Variants in AGK observed in about 807,000 individuals in gnomAD.
AGK encodes acylglycerol kinase, also known as acylglycerol kinase, mitochondrial.
In AGK, 52 loss-of-function variants were observed where a neutral mutation model predicts 66.4. The observed-to-expected ratio is 0.78, with a 90% confidence interval of 0.63 to 0.99. The LOEUF (loss-of-function observed/expected upper bound fraction) is 0.99. Among genes scored for constraint, AGK ranks in the 50% least tolerant of loss-of-function variants. The pLI is 0.00. For missense variants in AGK, 451 were observed against 506.6 expected, an observed-to-expected ratio of 0.89 and a Z score of 1.05; for synonymous variants, 182 against 181.1, an observed-to-expected ratio of 1.00 and a Z score of -0.04.
At chr7:141,572,857 A>G (rs1318636587) in intron 2 of AGK, among the ~76,000 whole-genome samples, 1 of 152,140 alleles carries the variant, frequency 6.6e-6, no homozygotes, top group Non-Finnish European at 1.5e-5. Flanking sequence ...GCCACACTTG[A>G]CTAGACTCAT....
chr7:141,579,676 T>G (rs900701795), intron 2 of AGK, among the ~76,000 whole-genome samples: 1 of 151,978 alleles, frequency 6.6e-6, no homozygotes, highest in African/African-American at 2.4e-5. Context: ...CACTGAAAAT[T>G]GATTTCCTTG....
At chr7:141,600,626 G>T (rs1192461827) in intron 4 of AGK, among the ~76,000 whole-genome samples, 1 of 152,058 alleles carries the variant, frequency 6.6e-6, no homozygotes, top group Non-Finnish European at 1.5e-5. Flanking sequence ...ATAAGATTTG[G>T]TATTTATTTT....
At chr7:141,595,188 G>T (rs972736996) in intron 3 of AGK, among the ~76,000 whole-genome samples, 3 of 152,124 alleles carry the variant, frequency 2.0e-5, no homozygotes, top group Non-Finnish European at 2.9e-5. Flanking sequence ...TTGCAAGTAG[G>T]TACCAACTTT....
intron 8 of AGK, among the ~76,000 whole-genome samples, chr7:141,619,690 CAAA>C (rs371908814): frequency 0.011 from 1,621 of 148,398 alleles, 22 homozygotes; most frequent in African/African-American, 0.038. Context: ...AAAAAGCAAA[CAAA>C]AACCCGTCAA....
In AGK at chr7:141,621,792, G is replaced by A. The variant is rs745967065; in HGVS notation, c.579G>A (p.Leu193=). Reference sequence around the variant, plus strand: ...GAGAGACAGTTCCACTTGATGTCTTGCAGATCAAGGTAAATCTTTTCATCA... The same window carrying A: ...GAGAGACAGTTCCACTTGATGTCTTACAGATCAAGGTAAATCTTTTCATCA... ...VKGETVPLDV[L]QIKGEKEQPV... Residue 193 remains leucine (L), a synonymous_variant, in exon 9 of 16, where the codon TTG becomes TTA. Coordinates refer to ENST00000649286, the MANE Select transcript of AGK (RefSeq NM_018238.4). The A allele has an allele frequency of 6.2e-7, 1 of 1,611,612 alleles. No individual in the cohort carries two copies.
intron 2 of AGK, among the ~76,000 whole-genome samples, chr7:141,570,954 G>A (rs897824537): frequency 2.6e-5 from 4 of 152,002 alleles, no homozygotes; most frequent in African/African-American, 4.8e-5. Flanking sequence ...CTAGGTCTAC[G>A]TTTGCCCTGT....
At chr7:141,586,098 C>T (rs59401990) in intron 2 of AGK, among the ~76,000 whole-genome samples, 1,655 of 152,162 alleles carry the variant, frequency 0.011, 16 homozygotes, top group Middle Eastern at 0.037. Context: ...TGACCACACT[C>T]AGAGTTCTTC....
intron 14 of AGK, chr7:141,650,628 T>C: frequency 1.0e-6 from 1 of 985,476 alleles, no homozygotes; most frequent in South Asian, 4.7e-5. Flanking sequence ...GTATTTCCAC[T>C]GCCTAAAAGA....
chr7:141,602,365 A>G (rs569356028), intron 5 of AGK, among the ~76,000 whole-genome samples: 3 of 152,110 alleles, frequency 2.0e-5, no homozygotes, highest in African/African-American at 7.2e-5. Context: ...TTTAATGTAC[A>G]TTAAATTTCT....
intron 9 of AGK, among the ~76,000 whole-genome samples, chr7:141,627,705 C>T (rs1218983021): frequency 6.6e-6 from 1 of 152,184 alleles, no homozygotes; most frequent in Non-Finnish European, 1.5e-5. Flanking sequence ...GCTGAAATTT[C>T]AGCCTAAGAA....
rs1001938124 is a variant in AGK at position 141,555,861 on chromosome 7, TC to T, written c.101+297del. ...ACATCTTAGAGAAAGAGAAGTCCTT[TC>T]CCAAGTTAGTAGTGTGAACCCCCAA... On this transcript the variant is annotated intron_variant, in intron 2 of 15. Transcript: ENST00000649286. This position sits in a 1 kb window ranked among gnomAD's most constrained non-coding sequence, Gnocchi z 4.2. 3.9e-5 allele frequency among the ~76,000 whole-genome samples: 6 copies of T among 152,208 alleles called. No individual in the cohort carries two copies. Among genetic ancestry groups the T allele is most frequent in the Non-Finnish European group, 7.3e-5 (5 of 68,042 alleles).
Position 141,602,173 on chromosome 7 carries a change from TTGTGTGTGTGTGTGTGTGTG to T in AGK, c.297+913_297+932del, listed in dbSNP as rs71172608. Reference sequence around the variant, plus strand: ...GAGCTTTCCTTGAGGGGAGATTTTCTTGTGTGTGTGTGTGTGTGTGTGTGTGTGTGTGTGTGTGTATGTAG... The same window carrying T: ...GAGCTTTCCTTGAGGGGAGATTTTCTTGTGTGTGTGTGTGTGTGTATGTAG... On this transcript the variant is annotated intron_variant, in intron 5 of 15. Coordinates refer to ENST00000649286, the MANE Select transcript of AGK (RefSeq NM_018238.4). Among the ~76,000 whole-genome samples, 5 of 125,314 alleles carry T rather than the reference TTGTGTGTGTGTGTGTGTGTG, an allele frequency of 4.0e-5. 1 individual carries two copies. The highest frequency in any genetic ancestry group is 1.1e-4 in the African/African-American group (4 of 35,196). 82.2% of individuals were successfully genotyped at this position (125,314 alleles called of 152,430 possible).
intron 11 of AGK, among the ~76,000 whole-genome samples, chr7:141,640,746 G>T (rs1421417254): frequency 1.3e-5 from 2 of 152,080 alleles, no homozygotes; most frequent in East Asian, 3.9e-4. Context: ...CCAGGACATA[G>T]AAGACAAAAA....
chr7:141,572,870 A>G (rs1449918126), intron 2 of AGK, among the ~76,000 whole-genome samples: 1 of 152,002 alleles, frequency 6.6e-6, no homozygotes, highest in South Asian at 2.1e-4. Flanking sequence ...AGACTCATAG[A>G]TTTACTTTTG....
intron 2 of AGK, among the ~76,000 whole-genome samples, chr7:141,563,466 C>T (rs1203890134): frequency 1.3e-5 from 2 of 152,226 alleles, no homozygotes; most frequent in Non-Finnish European, 2.9e-5. Flanking sequence ...TAGGCTTTGG[C>T]GCCTGGCTTA....
At chr7:141,643,281 G>A (rs1436222671) in intron 13 of AGK, among the ~76,000 whole-genome samples, 3 of 152,154 alleles carry the variant, frequency 2.0e-5, no homozygotes, top group Non-Finnish European at 2.9e-5. Context: ...TAGGGTAAAT[G>A]GCACACGTTT....
At chr7:141,581,039 A>G (rs1795871299) in intron 2 of AGK, among the ~76,000 whole-genome samples, 1 of 151,980 alleles carries the variant, frequency 6.6e-6, no homozygotes, top group Non-Finnish European at 1.5e-5. Context: ...CAGGAAGGAA[A>G]GGAGTTGTTT....
chr7:141,604,423 CACAT>C (rs1224149861), intron 5 of AGK, among the ~76,000 whole-genome samples: 3 of 142,916 alleles, frequency 2.1e-5, no homozygotes, highest in Non-Finnish European at 3.1e-5. Context: ...TACACACACA[CACAT>C]ATTATTTTCT....
Position 141,577,821 on chromosome 7 carries a change from T to C in AGK, c.102-15325T>C, listed in dbSNP as rs567437829. 8.4e-3 allele frequency among the ~76,000 whole-genome samples: 1,248 copies of C among 149,072 alleles called. 11 individuals carry two copies. Among genetic ancestry groups the C allele is most frequent in the Non-Finnish European group, 0.014 (928 of 67,088 alleles). On this transcript the variant is annotated intron_variant, in intron 2 of 15. Transcript: ENST00000649286. ...CGAATGCCCCAACATAAATCTTCTT[T>C]TTTTTTTTTTTTTTTGAAACAGAGC...
Sources: gnomAD v4.1 joint callset for allele counts (sites outside exome capture counted in the v4.1 genomes callset) on GRCh38, gnomAD v4.1.1 for gene constraint, Gnocchi (gnomAD v3.1) non-coding constraint, MANE v1.5 for transcripts, NCBI Gene and HGNC (gene_info 2026-07-23, HGNC 2026-07-21) for gene names.